Variants in TSGA10 observed in about 807,000 individuals in gnomAD.
TSGA10 encodes testis-specific gene 10 protein.
TSGA10 carries 43 observed loss-of-function variants against 96.6 expected under a neutral mutation model. The ratio of observed to expected loss-of-function variants is 0.44; its 90% confidence interval spans 0.35 to 0.57. The LOEUF is 0.57. Among genes scored for constraint, TSGA10 ranks in the 20% least tolerant of loss-of-function variants. TSGA10 has a pLI of 0.01. For synonymous variants in TSGA10, 229 were observed against 269.9 expected (o/e 0.85, Z 1.48); for missense variants, 703 against 834.4 (o/e 0.84, Z 1.94).
chr2:99,088,851 C>A (rs1186625389), intron 10 of TSGA10, among the ~76,000 whole-genome samples: 2 of 152,150 alleles, frequency 1.3e-5, no homozygotes, highest in Non-Finnish European at 2.9e-5. Flanking sequence ...TACTACTTCA[C>A]AATTTTAAAA....
intron 12 of TSGA10, among the ~76,000 whole-genome samples, chr2:99,075,918 G>A (rs2086657137): frequency 6.6e-6 from 1 of 152,110 alleles, no homozygotes; most frequent in African/African-American, 2.4e-5. Context: ...TGAATATAAT[G>A]AGAAGCAAAA....
chr2:99,035,152 A>T (rs2081508282), intron 17 of TSGA10, 78 bp downstream of exon 17: 2 of 1,066,250 alleles, frequency 1.9e-6, no homozygotes, highest in African/African-American at 3.2e-5. Context: ...TATTACATAA[A>T]AAAGAACTTA....
chr2:99,139,559 A>G (rs568139723), intron 1 of TSGA10, among the ~76,000 whole-genome samples: 54 of 152,312 alleles, frequency 3.5e-4, no homozygotes, highest in Admixed American at 3.3e-3. Flanking sequence ...TTGAAGTAGA[A>G]AGGAACTGCC....
chr2:99,023,948 C>G (rs2080287450), intron 17 of TSGA10, among the ~76,000 whole-genome samples: 1 of 152,178 alleles, frequency 6.6e-6, no homozygotes, highest in Non-Finnish European at 1.5e-5. Context: ...ATAAGCATTG[C>G]ATTAAATTTG....
At chr2:99,143,258 C>T (rs1202854309) in intron 1 of TSGA10, among the ~76,000 whole-genome samples, 1 of 150,232 alleles carries the variant, frequency 6.7e-6, no homozygotes, top group Non-Finnish European at 1.5e-5. Flanking sequence ...TCTCCTGCCT[C>T]AGCCTCCCAA....
chr2:99,049,740 GA>G (rs57254972), intron 16 of TSGA10, among the ~76,000 whole-genome samples: 64,746 of 145,550 alleles, frequency 0.44, 16,510 homozygotes, highest in African/African-American at 0.72. Flanking sequence ...TTAAAAAAAA[GA>G]AAAAAAAAAA....
chr2:99,052,313 A>T (rs992849940), intron 16 of TSGA10, among the ~76,000 whole-genome samples: 1 of 152,248 alleles, frequency 6.6e-6, no homozygotes, highest in Admixed American at 6.5e-5. Context: ...ACAAAGAATC[A>T]TAAGTGACTA....
At chr2:99,040,848 C>T (rs1304998860) in intron 16 of TSGA10, among the ~76,000 whole-genome samples, 5 of 152,030 alleles carry the variant, frequency 3.3e-5, no homozygotes, top group South Asian at 4.1e-4. Flanking sequence ...CTTCAAAGTT[C>T]GTCTTGATTT....
At chr2:99,084,047 A>G (rs923905802) in intron 10 of TSGA10, among the ~76,000 whole-genome samples, 7 of 152,204 alleles carry the variant, frequency 4.6e-5, no homozygotes, top group Admixed American at 2.0e-4. Context: ...ACTTATCTGT[A>G]TATTTTTGTA....
At chr2:99,135,264 T>C (rs944298382) in intron 1 of TSGA10, among the ~76,000 whole-genome samples, 1 of 152,202 alleles carries the variant, frequency 6.6e-6, no homozygotes, top group African/African-American at 2.4e-5. Flanking sequence ...CTGCCTTTCT[T>C]TCAGAGATGC....
intron 10 of TSGA10, among the ~76,000 whole-genome samples, chr2:99,090,402 C>T (rs2089174893): frequency 6.6e-6 from 1 of 152,110 alleles, no homozygotes; most frequent in African/African-American, 2.4e-5. Context: ...AGCAATGGAT[C>T]CAAACCAAGA....
intron 17 of TSGA10, among the ~76,000 whole-genome samples, chr2:99,029,153 T>A (rs545782124): frequency 1.3e-5 from 2 of 152,196 alleles, no homozygotes; most frequent in Admixed American, 6.5e-5. Flanking sequence ...CCTAAGGTGA[T>A]GACTACATTT....
intron 20 of TSGA10, among the ~76,000 whole-genome samples, chr2:99,011,195 C>G (rs2078970404): frequency 6.6e-6 from 1 of 152,160 alleles, no homozygotes; most frequent in African/African-American, 2.4e-5. Flanking sequence ...TACGGTGGTG[C>G]AATCTCTGCT....
chr2:99,020,310 T>C lies in TSGA10; in HGVS notation c.1787A>G (p.Lys596Arg), dbSNP rs758715381. The change falls in exon 18 of 21, where the codon AAA (lysine) becomes AGA (arginine). Residue 596 changes from lysine (K) to arginine (R), a missense_variant. Lys to Arg is a conservative substitution (Grantham distance 26). Coordinates refer to ENST00000393483, the MANE Select transcript of TSGA10 (RefSeq NM_025244.4). ...ATTTTCTGCCAAACAAAGGTGTTCT[T>C]TAAGAAGCTGAATTTCAGATTCTTT... ...QEKESEIQLL[K>R]EHLCLAENKM... 25 of 1,613,690 alleles carry C rather than the reference T, an allele frequency of 1.5e-5. No homozygotes were observed. Among genetic ancestry groups the C allele is most frequent in the Non-Finnish European group, 2.0e-5 (24 of 1,179,834 alleles).
At chr2:99,067,277 C>G (rs983934585) in intron 15 of TSGA10, among the ~76,000 whole-genome samples, 4 of 152,174 alleles carry the variant, frequency 2.6e-5, no homozygotes, top group African/African-American at 9.7e-5. Context: ...TGGTCTATCC[C>G]TATCAAAATG....
At position 99,001,955 on chromosome 2, in the gene TSGA10, G is replaced by A. The variant is rs191673671; in HGVS notation, c.2073-3734C>T. ...TAGAGAAAAAAGAATAAAAAGAAAC[G>A]AACAAAGCCTCCAAGAAATATGGGA... is the stretch of plus-strand genomic sequence containing the variant. On this transcript the variant is annotated intron_variant, in intron 20 of 20. Transcript: ENST00000393483. Among the ~76,000 whole-genome samples the A allele has an allele frequency of 6.6e-5, 10 of 152,160 alleles. No homozygotes were observed. The East Asian group carries it at 9.7e-4, about 15-fold the overall frequency.
At chr2:99,132,532 A>AT (rs962325890) in intron 1 of TSGA10, among the ~76,000 whole-genome samples, 1 of 151,836 alleles carries the variant, frequency 6.6e-6, no homozygotes, top group East Asian at 1.9e-4. Context: ...CTAGCGGTCT[A>AT]TTTTGTTTAT....
intron 10 of TSGA10, among the ~76,000 whole-genome samples, chr2:99,089,637 T>C (rs1371046465): frequency 6.6e-6 from 1 of 152,066 alleles, no homozygotes; most frequent in Non-Finnish European, 1.5e-5. Flanking sequence ...AATTGCTGGC[T>C]TTCCCCCACT....
At position 99,092,939 on chromosome 2, in the gene TSGA10, G is replaced by A. The variant is rs1218375709; in HGVS notation, c.611+11028C>T. 2.0e-5 allele frequency among the ~76,000 whole-genome samples: 3 copies of A among 151,980 alleles called. No homozygotes were observed. In the East Asian group the frequency reaches 5.8e-4, roughly 29 times the overall value. On this transcript the variant is annotated intron_variant, in intron 10 of 20. Coordinates refer to ENST00000393483, the MANE Select transcript of TSGA10 (RefSeq NM_025244.4). Reference sequence around the variant, plus strand: ...CACCCTAAATACCAAAACCAGGAAAGGACATAACAAAACATGAAACTATAG... The same window carrying A: ...CACCCTAAATACCAAAACCAGGAAAAGACATAACAAAACATGAAACTATAG...
Sources: gnomAD v4.1 joint callset for allele counts (sites outside exome capture counted in the v4.1 genomes callset) on GRCh38, gnomAD v4.1.1 for gene constraint, MANE v1.5 for transcripts, NCBI Gene and HGNC (gene_info 2026-07-23, HGNC 2026-07-21) for gene names.